SPATA17: variants seen among roughly 807,000 people sequenced by gnomAD.
SPATA17 encodes spermatogenesis associated 17.
Under a neutral mutation model 62.2 loss-of-function variants are expected in SPATA17, and 53 were observed. That is an observed-to-expected ratio of 0.85 (90% CI 0.68 to 1.07). The LOEUF (loss-of-function observed/expected upper bound fraction) is 1.07. Ranked by LOEUF, SPATA17 falls within the 50% of genes least tolerant of loss-of-function variation. The pLI is 0.00. For synonymous variants in SPATA17, 146 were observed against 146.8 expected, an observed-to-expected ratio of 0.99 and a Z score of 0.04; for missense variants, 466 against 425.5, an observed-to-expected ratio of 1.10 and a Z score of -0.84.
intron 9 of SPATA17, among the ~76,000 whole-genome samples, chr1:217,810,552 G>T (rs956441087): frequency 2.6e-5 from 4 of 151,884 alleles, no homozygotes; most frequent in Non-Finnish European, 4.4e-5. Flanking sequence ...AACCCAGGAG[G>T]CAGAGGCATG....
At chr1:217,732,485 CTT>C (rs1672422698) in intron 5 of SPATA17, among the ~76,000 whole-genome samples, 1 of 152,096 alleles carries the variant, frequency 6.6e-6, no homozygotes, top group Non-Finnish European at 1.5e-5. Flanking sequence ...TCATGAAACT[CTT>C]TTTATATGAA....
chr1:217,800,713 G>A (rs1341776849), intron 8 of SPATA17, among the ~76,000 whole-genome samples: 1 of 152,060 alleles, frequency 6.6e-6, no homozygotes, highest in African/African-American at 2.4e-5. Flanking sequence ...CTGGCACTTA[G>A]ATTTCAGTTT....
At chr1:217,754,961 G>A (rs2102958364) in intron 6 of SPATA17, among the ~76,000 whole-genome samples, 1 of 152,182 alleles carries the variant, frequency 6.6e-6, no homozygotes. Context: ...TGTGACTGAT[G>A]TGGTCATTAA....
chr1:217,636,953 T>G (rs1015900970), intron 1 of SPATA17, among the ~76,000 whole-genome samples: 10 of 152,182 alleles, frequency 6.6e-5, no homozygotes, highest in African/African-American at 9.7e-5. Context: ...ATGTAAAATC[T>G]TTTTTAATTG....
intron 5 of SPATA17, among the ~76,000 whole-genome samples, chr1:217,722,712 T>A (rs1672165285): frequency 6.6e-6 from 1 of 152,228 alleles, no homozygotes; most frequent in Non-Finnish European, 1.5e-5. Context: ...CCACTTCTGC[T>A]TTCAGGACTT....
At chr1:217,802,859 A>G (rs1674345924) in intron 9 of SPATA17, among the ~76,000 whole-genome samples, 1 of 151,964 alleles carries the variant, frequency 6.6e-6, no homozygotes, top group Non-Finnish European at 1.5e-5. Context: ...TTTAGTACCC[A>G]CTCTAAAGTC....
intron 9 of SPATA17, among the ~76,000 whole-genome samples, chr1:217,860,768 G>C (rs1197492645): frequency 1.3e-5 from 2 of 151,786 alleles, no homozygotes; most frequent in Non-Finnish European, 2.9e-5. Flanking sequence ...ACATATAGTT[G>C]GTTCTTCTTT....
At chr1:217,845,994 G>C (rs915763580) in intron 9 of SPATA17, among the ~76,000 whole-genome samples, 1 of 152,084 alleles carries the variant, frequency 6.6e-6, no homozygotes, top group Non-Finnish European at 1.5e-5. Context: ...AAATTCTTCT[G>C]CTAGCCCAAT....
intron 9 of SPATA17, among the ~76,000 whole-genome samples, chr1:217,839,027 G>C (rs1675328481): frequency 6.6e-6 from 1 of 151,968 alleles, no homozygotes; most frequent in Non-Finnish European, 1.5e-5. Context: ...GTGACTCTTG[G>C]ACCTAGAAAC....
chr1:217,810,673 A>G (rs1381592000), intron 9 of SPATA17, among the ~76,000 whole-genome samples: 2 of 152,080 alleles, frequency 1.3e-5, no homozygotes, highest in Non-Finnish European at 2.9e-5. Flanking sequence ...TATTTTTAAA[A>G]GAAAGAGGTT....
chr1:217,806,484 T>C (rs1384318963), intron 9 of SPATA17, among the ~76,000 whole-genome samples: 1 of 152,172 alleles, frequency 6.6e-6, no homozygotes, highest in East Asian at 1.9e-4. Context: ...TCCCTTTCCT[T>C]GAATAGTGGT....
At chr1:217,753,057 C>A (rs1181578511) in intron 6 of SPATA17, among the ~76,000 whole-genome samples, 1 of 152,174 alleles carries the variant, frequency 6.6e-6, no homozygotes, top group Non-Finnish European at 1.5e-5. Flanking sequence ...TACCACCCAA[C>A]CCACGGGGAA....
intron 5 of SPATA17, among the ~76,000 whole-genome samples, chr1:217,729,478 G>T (rs1672346135): frequency 6.6e-6 from 1 of 152,118 alleles, no homozygotes; most frequent in African/African-American, 2.4e-5. Flanking sequence ...ATTTTATGTT[G>T]ATGACAGGTT....
chr1:217,860,751 G>A (rs1273360957), intron 9 of SPATA17, among the ~76,000 whole-genome samples: 2 of 151,992 alleles, frequency 1.3e-5, no homozygotes, highest in Non-Finnish European at 2.9e-5. Flanking sequence ...TGAGTTTCAT[G>A]TCGACGACAT....
At chr1:217,846,267 C>T (rs999184495) in intron 9 of SPATA17, among the ~76,000 whole-genome samples, 1 of 152,066 alleles carries the variant, frequency 6.6e-6, no homozygotes, top group East Asian at 1.9e-4. Context: ...AAGTATTATG[C>T]ATTAATATCC....
intron 4 of SPATA17, among the ~76,000 whole-genome samples, chr1:217,673,858 T>C (rs954276171): frequency 1.3e-5 from 2 of 151,870 alleles, no homozygotes; most frequent in African/African-American, 4.8e-5. Flanking sequence ...CGTGGAATTG[T>C]TTTTTCCATC....
At chr1:217,763,947 A>G (rs2102965079) in intron 6 of SPATA17, among the ~76,000 whole-genome samples, 1 of 152,316 alleles carries the variant, frequency 6.6e-6, no homozygotes, top group Non-Finnish European at 1.5e-5. Context: ...TTTATAGAAA[A>G]ATTGATAGGA....
intron 9 of SPATA17, among the ~76,000 whole-genome samples, chr1:217,830,292 C>T (rs1675109912): frequency 6.6e-6 from 1 of 152,200 alleles, no homozygotes; most frequent in East Asian, 1.9e-4. Flanking sequence ...TACAAAAAGG[C>T]AAAGGAATCC....
chr1:217,683,154 T>G, intron 4 of SPATA17, 104 bp from the exon 5 acceptor site: 1 of 674,264 alleles, frequency 1.5e-6, no homozygotes. Flanking sequence ...CAAGACTTTA[T>G]TTGATAGGAG....
Sources: allele counts gnomAD v4.1 joint callset (sites outside exome capture counted in the v4.1 genomes callset), GRCh38; gene constraint gnomAD v4.1.1; transcripts MANE v1.5; gene names NCBI Gene and HGNC (gene_info 2026-07-23, HGNC 2026-07-21).